Variants in TRAPPC9 observed in about 807,000 individuals in gnomAD.
TRAPPC9 encodes IKK2 binding protein.
In TRAPPC9, 83 loss-of-function variants were observed where a neutral mutation model predicts 124.0. The observed-to-expected ratio is 0.67, with a 90% confidence interval of 0.56 to 0.80. The LOEUF is 0.80. Ranked by LOEUF, TRAPPC9 falls within the 30% of genes least tolerant of loss-of-function variation. The pLI is 0.00. For synonymous variants in TRAPPC9, 638 were observed against 617.5 expected (o/e 1.03, Z -0.49); for missense variants, 1,302 against 1,508.3 (o/e 0.86, Z 2.27).
chr8:139,799,997 C>A (rs1349644287), intron 21 of TRAPPC9, among the ~76,000 whole-genome samples: 2 of 152,228 alleles, frequency 1.3e-5, no homozygotes, highest in Non-Finnish European at 2.9e-5. Flanking sequence ...GGACAAAGGG[C>A]AGGACTAGCT....
At chr8:140,142,955 C>T (rs1263159186) in intron 17 of TRAPPC9, among the ~76,000 whole-genome samples, 2 of 152,130 alleles carry the variant, frequency 1.3e-5, no homozygotes, top group Non-Finnish European at 2.9e-5. Context: ...TACTCAGATA[C>T]ATTAAAACCC....
At chr8:139,886,223 A>G (rs1443315086) in intron 20 of TRAPPC9, among the ~76,000 whole-genome samples, 2 of 152,222 alleles carry the variant, frequency 1.3e-5, no homozygotes, top group Non-Finnish European at 2.9e-5. Context: ...AAGAAAGGGA[A>G]ATCCACTGGG....
At chr8:139,743,062 G>T (rs1289224606) in intron 21 of TRAPPC9, among the ~76,000 whole-genome samples, 2 of 152,162 alleles carry the variant, frequency 1.3e-5, no homozygotes, top group Non-Finnish European at 2.9e-5. Flanking sequence ...TGTGGAAGGT[G>T]GTGGGGTGAG....
intron 16 of TRAPPC9, among the ~76,000 whole-genome samples, chr8:140,244,396 A>G (rs575188474): frequency 6.6e-6 from 1 of 152,330 alleles, no homozygotes; most frequent in East Asian, 1.9e-4. Context: ...GTTAATTATC[A>G]TGTCTAACAG....
At chr8:140,050,394 T>A (rs1397932208) in intron 17 of TRAPPC9, among the ~76,000 whole-genome samples, 4 of 152,208 alleles carry the variant, frequency 2.6e-5, no homozygotes, top group South Asian at 2.1e-4. Context: ...CACCATCTCA[T>A]GCGGTTCTCA....
At chr8:140,012,351 C>T (rs1839194419) in intron 18 of TRAPPC9, among the ~76,000 whole-genome samples, 1 of 152,126 alleles carries the variant, frequency 6.6e-6, no homozygotes, top group Non-Finnish European at 1.5e-5. Context: ...GTCCCTATCA[C>T]GTGCCAGTCA....
intron 15 of TRAPPC9, among the ~76,000 whole-genome samples, chr8:140,269,753 T>C (rs183316910): frequency 2.0e-5 from 3 of 152,128 alleles, no homozygotes; most frequent in African/African-American, 7.2e-5. Context: ...AGTTTGAGGA[T>C]GGAATGATGG....
chr8:140,161,958 C>T (rs1024104701), intron 17 of TRAPPC9, among the ~76,000 whole-genome samples: 1 of 152,096 alleles, frequency 6.6e-6, no homozygotes, highest in Non-Finnish European at 1.5e-5. Context: ...CAGCCAAGCC[C>T]GAGTGTCCGG....
intron 21 of TRAPPC9, among the ~76,000 whole-genome samples, chr8:139,863,124 A>G (rs892001344): frequency 9.9e-5 from 15 of 152,196 alleles, no homozygotes; most frequent in Admixed American, 9.8e-4. Flanking sequence ...ACACCACAGG[A>G]ATTGGCTGCA....
intron 20 of TRAPPC9, among the ~76,000 whole-genome samples, chr8:139,896,476 G>C (rs1207200552): frequency 2.0e-5 from 3 of 152,142 alleles, no homozygotes; most frequent in Non-Finnish European, 4.4e-5. Context: ...GAATATGGTG[G>C]GTATGAGATA....
intron 19 of TRAPPC9, among the ~76,000 whole-genome samples, chr8:139,967,495 C>T (rs951370707): frequency 2.0e-5 from 3 of 152,216 alleles, no homozygotes; most frequent in Non-Finnish European, 2.9e-5. Context: ...GGTGTCGGTA[C>T]AGAGAGATGA....
At chr8:140,313,988 A>C (rs1251214428) in intron 9 of TRAPPC9, among the ~76,000 whole-genome samples, 2 of 152,150 alleles carry the variant, frequency 1.3e-5, no homozygotes, top group Admixed American at 1.3e-4. Flanking sequence ...AAAGGATTCA[A>C]GTGTCGGCTA....
At chr8:140,332,836 G>A (rs773124133) in intron 9 of TRAPPC9, among the ~76,000 whole-genome samples, 3 of 152,008 alleles carry the variant, frequency 2.0e-5, no homozygotes, top group South Asian at 2.1e-4. Context: ...AAATAAATTC[G>A]ATGTAAGGAA....
chr8:140,225,598 C>T (rs1411561146), intron 16 of TRAPPC9, among the ~76,000 whole-genome samples: 1 of 152,176 alleles, frequency 6.6e-6, no homozygotes, highest in Non-Finnish European at 1.5e-5. Flanking sequence ...TGAACAGAGC[C>T]ATGTGCAAAA....
chr8:140,008,453 G>A (rs1587480215), intron 18 of TRAPPC9: 1 of 152,490 alleles, frequency 6.6e-6, no homozygotes, highest in South Asian at 2.1e-4. Context: ...ACAACGAAGA[G>A]GGGAGCCCCT....
chr8:140,238,035 T>G (rs1028816272), intron 16 of TRAPPC9, among the ~76,000 whole-genome samples: 1 of 152,188 alleles, frequency 6.6e-6, no homozygotes, highest in East Asian at 1.9e-4. Context: ...AAATCATCCC[T>G]TTCCTCTTTG....
chr8:139,731,391 G>A (rs906955167), intron 22 of TRAPPC9, among the ~76,000 whole-genome samples, 163 bp from the exon 23 acceptor site: 2 of 152,172 alleles, frequency 1.3e-5, no homozygotes, highest in Non-Finnish European at 2.9e-5. Context: ...GCGCCTCTCC[G>A]AGCCAGTTTT....
At chr8:139,807,661 G>A (rs997687588) in intron 21 of TRAPPC9, among the ~76,000 whole-genome samples, 5 of 152,262 alleles carry the variant, frequency 3.3e-5, no homozygotes, top group Non-Finnish European at 5.9e-5. Flanking sequence ...GTGGGCGAAC[G>A]GTACCAAGCA....
intron 21 of TRAPPC9, among the ~76,000 whole-genome samples, chr8:139,770,494 T>A (rs1245918457): frequency 6.6e-6 from 1 of 152,210 alleles, no homozygotes; most frequent in African/African-American, 2.4e-5. Flanking sequence ...AGGGAGCTGC[T>A]TTGGCGAGAT....
Sources: allele counts gnomAD v4.1 joint callset (sites outside exome capture counted in the v4.1 genomes callset), GRCh38; gene constraint gnomAD v4.1.1; transcripts MANE v1.5; gene names NCBI Gene and HGNC (gene_info 2026-07-23, HGNC 2026-07-21).